DHDDS: variants seen among roughly 807,000 people sequenced by gnomAD.
The protein encoded by DHDDS is dehydrodolichyl diphosphate synthase subunit, also known as dehydrodolichyl diphosphate synthase complex subunit DHDDS.
DHDDS carries 16 observed loss-of-function variants against 46.2 expected under a neutral mutation model. The observed-to-expected ratio is 0.35, with a 90% CI of 0.23 to 0.53. The LOEUF is 0.53. Among genes scored for constraint, DHDDS ranks in the 20% least tolerant of loss-of-function variants. DHDDS has a pLI of 0.94. For missense variants in DHDDS, 340 were observed against 423.7 expected, an observed-to-expected ratio of 0.80 and a Z score of 1.73; for synonymous variants, 151 against 163.1, an observed-to-expected ratio of 0.93 and a Z score of 0.56.
chr1:26,467,229 C>CA (rs2075499858), intron 8 of DHDDS: 1 of 435,766 alleles, frequency 2.3e-6, no homozygotes, highest in Admixed American at 2.6e-5. Flanking sequence ...AGCCTGTAAG[C>CA]ACCTGGATTG....
chr1:26,459,312 G>T (rs2124497270), intron 7 of DHDDS, among the ~76,000 whole-genome samples: 1 of 151,918 alleles, frequency 6.6e-6, no homozygotes, highest in Non-Finnish European at 1.5e-5. Context: ...CGGACAACTA[G>T]TTATCCCCCA....
chr1:26,436,221 G>A (rs1349787196), intron 2 of DHDDS, among the ~76,000 whole-genome samples: 12 of 151,912 alleles, frequency 7.9e-5, no homozygotes. Flanking sequence ...AACATGGTGA[G>A]ACCCCCGTCT....
chr1:26,434,677 C>A (rs2075135274), intron 2 of DHDDS, among the ~76,000 whole-genome samples: 1 of 152,092 alleles, frequency 6.6e-6, no homozygotes, highest in Admixed American at 6.6e-5. Flanking sequence ...TTTTGAGATG[C>A]AGTCTTACTC....
chr1:26,441,746 GT>G (rs1477325649), intron 3 of DHDDS, among the ~76,000 whole-genome samples: 1 of 151,730 alleles, frequency 6.6e-6, no homozygotes. Context: ...AATACAAAAA[GT>G]TAGCCAGATG....
intron 8 of DHDDS, among the ~76,000 whole-genome samples, chr1:26,464,368 G>A (rs1217255487): frequency 6.6e-6 from 1 of 152,090 alleles, no homozygotes; most frequent in Admixed American, 6.5e-5. Context: ...CCACATGTCA[G>A]GCATCCTTTC....
rs557616489 is a variant in DHDDS at position 26,452,397 on chromosome 1, G to A, written c.542+4737G>A. Among the ~76,000 whole-genome samples, 13 of 152,266 alleles carry A rather than the reference G, an allele frequency of 8.5e-5. 1 individual carries two copies. The East Asian group carries it at 2.3e-3, about 27-fold the overall frequency. Reference sequence around the variant, plus strand: ...AATTAATAGATTGTTTTGTGAGTCTGGAAATTATAGAAGAAGGAAGTAGAT... The same window carrying A: ...AATTAATAGATTGTTTTGTGAGTCTAGAAATTATAGAAGAAGGAAGTAGAT... On this transcript the variant is annotated intron_variant, in intron 6 of 8. Coordinates refer to ENST00000236342, the MANE Select transcript of DHDDS (RefSeq NM_205861.3).
chr1:26,446,290 C>A, intron 4 of DHDDS, 26 bp from the exon 5 acceptor site: 1 of 1,610,186 alleles, frequency 6.2e-7, no homozygotes, highest in African/African-American at 1.3e-5. Flanking sequence ...GGCCCTATCC[C>A]AATGCTGCCT....
chr1:26,457,361 T>C (rs2075379833), intron 6 of DHDDS, among the ~76,000 whole-genome samples: 1 of 150,322 alleles, frequency 6.7e-6, no homozygotes, highest in African/African-American at 2.4e-5. Flanking sequence ...TAGTCCCAGC[T>C]ACTCGGGAGG....
chr1:26,433,017 T>C lies in DHDDS; in HGVS notation c.63+9T>C. 1 of 1,614,198 alleles carries C rather than the reference T, an allele frequency of 6.2e-7. No homozygotes were observed. Among genetic ancestry groups the C allele is most frequent in the South Asian group, 1.1e-5 (1 of 91,088 alleles). On this transcript the variant is annotated intron_variant, in intron 2 of 8. Coordinates refer to ENST00000236342, the MANE Select transcript of DHDDS (RefSeq NM_205861.3). ...GTGCCAACATCATAAAGGTGAGCAATGGCCCAGAGCACCGGTTGGCCTTCT... is the reference window on the plus strand; with the variant it reads ...GTGCCAACATCATAAAGGTGAGCAACGGCCCAGAGCACCGGTTGGCCTTCT...
At chr1:26,468,096 T>C (rs1230029795) in intron 8 of DHDDS, among the ~76,000 whole-genome samples, 2 of 152,230 alleles carry the variant, frequency 1.3e-5, no homozygotes, top group African/African-American at 2.4e-5. Flanking sequence ...TGCAAGAGGC[T>C]TGAAGGCTCT....
At chr1:26,440,555 C>A (rs118128636) in intron 3 of DHDDS, among the ~76,000 whole-genome samples, 1 of 152,122 alleles carries the variant, frequency 6.6e-6, no homozygotes, top group South Asian at 2.1e-4. Flanking sequence ...AGGCCCTGAC[C>A]TAAAGGAAGT....
intron 7 of DHDDS, among the ~76,000 whole-genome samples, chr1:26,459,475 T>C (rs2075402078): frequency 6.6e-6 from 1 of 152,186 alleles, no homozygotes. Flanking sequence ...ACCCTGAAAA[T>C]TAGGTATTCC....
chr1:26,469,679 C>T lies in DHDDS; in HGVS notation c.*548C>T. The T allele has an allele frequency of 4.5e-6, 1 of 222,302 alleles. No homozygotes were observed. Among genetic ancestry groups the T allele is most frequent in the Non-Finnish European group, 9.2e-6 (1 of 108,612 alleles). 13.8% of individuals were successfully genotyped at this position (222,302 alleles called of 1,614,324 possible). On this transcript the variant is annotated 3_prime_UTR_variant, in exon 9 of 9. Coordinates refer to ENST00000236342, the MANE Select transcript of DHDDS (RefSeq NM_205861.3). ...CCCTTGGCTCTCCACCTGGGATTTG[C>T]TATTGAATCTCTACCCTCTCCCACC...
In DHDDS at chr1:26,470,387, T is replaced by C. The variant is rs899416299; in HGVS notation, c.*1256T>C. The C allele has an allele frequency of 2.0e-5, 3 of 150,482 alleles. No homozygotes were observed. Among genetic ancestry groups the C allele is most frequent in the Non-Finnish European group, 4.4e-5 (3 of 67,810 alleles). 9.3% of individuals were successfully genotyped at this position (150,482 alleles called of 1,614,324 possible). A position where few individuals can be genotyped will look rare whatever the true frequency, so the allele number is the denominator to read the frequency against. On this transcript the variant is annotated 3_prime_UTR_variant, in exon 9 of 9. Coordinates refer to ENST00000236342, the MANE Select transcript of DHDDS (RefSeq NM_205861.3). The stretch of plus-strand genomic sequence containing the variant: ...GTCTCGAACTCCTGACCTCAGGTGA[T>C]CCGCCGGCCTCACCCTCCCAAAGTG...
At chr1:26,439,455 G>A (rs1018715775) in intron 3 of DHDDS, among the ~76,000 whole-genome samples, 10 of 152,038 alleles carry the variant, frequency 6.6e-5, no homozygotes, top group African/African-American at 1.9e-4. Flanking sequence ...GATGGTGCAT[G>A]CCTGTGGTCC....
intron 6 of DHDDS, among the ~76,000 whole-genome samples, chr1:26,450,140 A>T (rs1429309431): frequency 6.6e-6 from 1 of 152,076 alleles, no homozygotes; most frequent in Admixed American, 6.5e-5. Flanking sequence ...AAAGCTAAGG[A>T]GAGTCTGTCT....
At chr1:26,465,001 T>TA (rs1373249672) in intron 8 of DHDDS, among the ~76,000 whole-genome samples, 2 of 152,106 alleles carry the variant, frequency 1.3e-5, no homozygotes, top group Non-Finnish European at 2.9e-5. Flanking sequence ...TAGCCAGTCT[T>TA]AAAGGCTGGC....
At chr1:26,447,858 A>T (rs765283728) in intron 6 of DHDDS, 198 bp downstream of exon 6, 8 of 645,694 alleles carry the variant, frequency 1.2e-5, no homozygotes, top group Middle Eastern at 4.1e-4. Flanking sequence ...GCAGGCCTGT[A>T]CCAAACCATA....
At chr1:26,460,488 AG>A (rs1406638845) in intron 8 of DHDDS, among the ~76,000 whole-genome samples, 1 of 152,228 alleles carries the variant, frequency 6.6e-6, no homozygotes, top group Non-Finnish European at 1.5e-5. Context: ...CAGGAGGAAA[AG>A]GCTTCTCAGA....
Sources: gnomAD v4.1 joint callset for allele counts (sites outside exome capture counted in the v4.1 genomes callset) on GRCh38, gnomAD v4.1.1 for gene constraint, MANE v1.5 for transcripts, NCBI Gene and HGNC (gene_info 2026-07-23, HGNC 2026-07-21) for gene names.